The following DGKH variants were observed in gnomAD, a reference collection of about 807,000 sequenced individuals.
DGKH encodes DAG kinase eta.
DGKH carries 90 observed loss-of-function variants against 159.3 expected under a neutral mutation model. That is an observed-to-expected ratio of 0.57 (90% CI 0.48 to 0.67). DGKH has a LOEUF of 0.67. DGKH is among the 30% of genes least tolerant of loss of function. The pLI, the probability that DGKH is intolerant of heterozygous loss-of-function variation, is 0.00. For missense variants in DGKH, 1,181 were observed against 1,506.1 expected (o/e 0.78, Z 3.57); for synonymous variants, 536 against 553.8 (o/e 0.97, Z 0.45).
intron 12 of DGKH, among the ~76,000 whole-genome samples, chr13:42,177,176 T>G (rs1362026598): frequency 6.6e-6 from 1 of 152,152 alleles, no homozygotes; most frequent in Non-Finnish European, 1.5e-5. Context: ...AGCCCCCTCA[T>G]GCCCTCTTTC....
intron 8 of DGKH, 32 bp downstream of exon 8, chr13:42,165,465 C>A (rs1956288848): frequency 8.0e-7 from 1 of 1,256,502 alleles, no homozygotes; most frequent in Non-Finnish European, 1.1e-6. Context: ...ACGTATATTT[C>A]TGGTATATTT....
At chr13:42,123,703 A>G (rs2148004) in intron 1 of DGKH, among the ~76,000 whole-genome samples, 40,331 of 152,198 alleles carry the variant, frequency 0.26, 5,473 homozygotes, top group Non-Finnish European at 0.3. Context: ...TTCACCAGTG[A>G]AGATGTGCAC....
chr13:42,071,067 C>T lies in DGKH; in HGVS notation c.192+22102C>T, dbSNP rs1449750556. 7.8e-6 allele frequency: 9 copies of T among 1,157,562 alleles called. No individual in the cohort carries two copies. The South Asian group carries it at 1.4e-4, about 18-fold the overall frequency. 71.7% of individuals were successfully genotyped at this position (1,157,562 alleles called of 1,614,324 possible). A position where few individuals can be genotyped will look rare whatever the true frequency, so the allele number is the denominator to read the frequency against. ...AATCCAGATCAAAACCATGAATGTT[C>T]ATGAGACTTTCAAATTTCTCTGCCA... On this transcript the variant is annotated intron_variant, in intron 1 of 29. Transcript: ENST00000337343.
At chr13:42,144,242 G>C (rs1278059499) in intron 3 of DGKH, among the ~76,000 whole-genome samples, 1 of 152,150 alleles carries the variant, frequency 6.6e-6, no homozygotes, top group Non-Finnish European at 1.5e-5. Context: ...TAAGAAATAA[G>C]GTATAGTAGG....
intron 5 of DGKH, among the ~76,000 whole-genome samples, chr13:42,156,567 A>G (rs1472453452): frequency 2.6e-5 from 4 of 152,226 alleles, no homozygotes; most frequent in East Asian, 1.9e-4. Flanking sequence ...AAGCAAATAC[A>G]TTAATAATTG....
intron 26 of DGKH, among the ~76,000 whole-genome samples, chr13:42,217,918 C>G (rs1412229964): frequency 6.6e-6 from 1 of 152,114 alleles, no homozygotes; most frequent in Non-Finnish European, 1.5e-5. Context: ...CCTGTAAACC[C>G]AGCTACTTTG....
At chr13:42,245,955 A>G (rs1388995473), downstream of DGKH, among the ~76,000 whole-genome samples, 1 of 152,188 alleles carries the variant, frequency 6.6e-6, no homozygotes, top group African/African-American at 2.4e-5. Flanking sequence ...TAAAATGCTA[A>G]TTGTATTATA....
At chr13:42,060,646 AG>A (rs1463977473) in intron 1 of DGKH, among the ~76,000 whole-genome samples, 1 of 152,224 alleles carries the variant, frequency 6.6e-6, no homozygotes, top group African/African-American at 2.4e-5. Context: ...TGCTATGGCC[AG>A]GCATAGTGTT....
rs553049383 is a variant in DGKH at position 42,171,084 on chromosome 13, T to G, written c.1367+2266T>G. 3.9e-5 allele frequency among the ~76,000 whole-genome samples: 6 copies of G among 152,286 alleles called. No homozygotes were observed. The South Asian group carries it at 1.2e-3, about 32-fold the overall frequency. On this transcript the variant is annotated intron_variant, in intron 11 of 29. Transcript: ENST00000337343. ...AAGCATTATTTTACAAAGATGAAAA[T>G]GTAGTTTTCTGGATACAGTGGGAAT...
At chr13:42,199,265 A>G (rs1368643234) in intron 18 of DGKH, among the ~76,000 whole-genome samples, 1 of 152,114 alleles carries the variant, frequency 6.6e-6, no homozygotes, top group Non-Finnish European at 1.5e-5. Flanking sequence ...AATCACCTGC[A>G]TTTTTTCTGT....
At chr13:42,162,851 C>T (rs1479250170) in intron 7 of DGKH, among the ~76,000 whole-genome samples, 7 of 146,820 alleles carry the variant, frequency 4.8e-5, no homozygotes, top group Admixed American at 7.0e-5. Flanking sequence ...TTTTATTTTG[C>T]GTATGTCTTT....
intron 2 of DGKH, among the ~76,000 whole-genome samples, chr13:42,128,087 A>G (rs998144963): frequency 3.9e-5 from 6 of 152,210 alleles, no homozygotes; most frequent in Non-Finnish European, 5.9e-5. Flanking sequence ...AAGAGCTTCC[A>G]TAGTACCTGA....
intron 1 of DGKH, among the ~76,000 whole-genome samples, chr13:42,088,499 A>T (rs1228399284): frequency 3.3e-5 from 5 of 152,150 alleles, no homozygotes; most frequent in Admixed American, 3.3e-4. Context: ...GAGGAAATGG[A>T]TGTTTACCAT....
chr13:42,173,982 T>TGA, intron 11 of DGKH, 78 bp from the exon 12 acceptor site: 1 of 811,538 alleles, frequency 1.2e-6, no homozygotes, highest in Non-Finnish European at 2.1e-6. Flanking sequence ...TGTGTGTGTG[T>TGA]GCGCGTTTAT....
At chr13:42,173,833 A>G (rs1254954253) in intron 11 of DGKH, among the ~76,000 whole-genome samples, 1 of 152,180 alleles carries the variant, frequency 6.6e-6, no homozygotes, top group African/African-American at 2.4e-5. Context: ...AGAAATGGTA[A>G]GATGTAGAAA....
At chr13:42,144,142 G>A (rs1472134302) in intron 3 of DGKH, among the ~76,000 whole-genome samples, 3 of 152,168 alleles carry the variant, frequency 2.0e-5, no homozygotes, top group East Asian at 3.8e-4. Context: ...TAGCATGATG[G>A]AGTTCTGTTT....
chr13:42,070,657 G>T lies in DGKH; in HGVS notation c.192+21692G>T, dbSNP rs1285458172. ...TTTGAGATCTCTGTGCAGTACATTT[G>T]CAGAGTGAATATACTTGAGCCCCCG... On this transcript the variant is annotated intron_variant, in intron 1 of 29. Coordinates refer to ENST00000337343, the MANE Select transcript of DGKH (RefSeq NM_178009.5). The T allele has an allele frequency of 1.0e-4, 166 of 1,611,880 alleles. 1 individual carries two copies. The highest frequency in any genetic ancestry group is 1.4e-4 in the Non-Finnish European group (162 of 1,179,106).
At chr13:42,225,542 A>G (rs1038981214) in intron 29 of DGKH, among the ~76,000 whole-genome samples, 1 of 152,128 alleles carries the variant, frequency 6.6e-6, no homozygotes, top group Non-Finnish European at 1.5e-5. Flanking sequence ...TGGGAGGCCA[A>G]GGCAGGTGGA....
At chr13:42,149,457 T>C (rs1415299574) in intron 3 of DGKH, among the ~76,000 whole-genome samples, 1 of 152,248 alleles carries the variant, frequency 6.6e-6, no homozygotes, top group African/African-American at 2.4e-5. Flanking sequence ...CCCATTGGAC[T>C]GTGAGCTCTC....
Sources: allele counts gnomAD v4.1 joint callset (sites outside exome capture counted in the v4.1 genomes callset), GRCh38; gene constraint gnomAD v4.1.1; transcripts MANE v1.5; gene names NCBI Gene and HGNC (gene_info 2026-07-23, HGNC 2026-07-21).